Variants in TVP23B observed in about 807,000 individuals in gnomAD.
TVP23B encodes the protein Golgi apparatus membrane protein TVP23 homolog B.
Under a neutral mutation model 30.6 loss-of-function variants are expected in TVP23B, and 10 were observed. The observed-to-expected ratio is 0.33, with a 90% CI of 0.20 to 0.55. The LOEUF (loss-of-function observed/expected upper bound fraction) is 0.55. Among genes scored for constraint, TVP23B ranks in the 20% least tolerant of loss-of-function variants. TVP23B has a pLI of 0.91. For synonymous variants in TVP23B, 67 were observed against 83.1 expected, an observed-to-expected ratio of 0.81 and a Z score of 1.06; for missense variants, 153 against 243.2, an observed-to-expected ratio of 0.63 and a Z score of 2.47.
At chr17:18,791,629 G>A (rs1433383293) in intron 3 of TVP23B, among the ~76,000 whole-genome samples, 1 of 151,692 alleles carries the variant, frequency 6.6e-6, no homozygotes, top group Non-Finnish European at 1.5e-5. Flanking sequence ...GGGCAGGTAT[G>A]CTGCTAAATA....
intron 1 of TVP23B, among the ~76,000 whole-genome samples, chr17:18,786,265 C>T (rs1003436520): frequency 6.6e-6 from 1 of 151,632 alleles, no homozygotes; most frequent in Non-Finnish European, 1.5e-5. Flanking sequence ...AGTAAATTTA[C>T]ATATTCACAG....
intron 1 of TVP23B, among the ~76,000 whole-genome samples, chr17:18,782,969 A>G (rs58503741): frequency 8.9e-4 from 135 of 150,922 alleles, no homozygotes; most frequent in African/African-American, 3.3e-3. Context: ...CATTTTACCC[A>G]GCTCCTATTG....
At chr17:18,794,640 ATAAAC>A (rs772478384) in intron 3 of TVP23B, among the ~76,000 whole-genome samples, 7 of 152,232 alleles carry the variant, frequency 4.6e-5, no homozygotes, top group African/African-American at 7.2e-5. Flanking sequence ...AATCAGGAAA[ATAAAC>A]TAATAAAGAT....
rs2036156319 is a variant in TVP23B at position 18,800,954 on chromosome 17, T to TA, written c.462+2013dup. On this transcript the variant is annotated intron_variant, in intron 5 of 6. Transcript: ENST00000307767. ...AGAGCTGTCTGGAGACACAGGGGGA[T>TA]AAGTTAGGGGACAGTAAACAAGTTG... 2.0e-5 allele frequency among the ~76,000 whole-genome samples: 3 copies of TA among 151,250 alleles called. No homozygotes were observed. In the South Asian group the frequency reaches 6.4e-4, roughly 32 times the overall value.
In TVP23B at chr17:18,805,742, C is replaced by T. The variant is rs2036241672; in HGVS notation, c.*175C>T. 2.1e-6 allele frequency: 3 copies of T among 1,436,682 alleles called. No individual in the cohort carries two copies. The highest frequency in any genetic ancestry group is 2.7e-6 in the Non-Finnish European group (3 of 1,096,594). 89.0% of individuals were successfully genotyped at this position (1,436,682 alleles called of 1,614,324 possible). A position where few individuals can be genotyped will look rare whatever the true frequency, so the allele number is the denominator to read the frequency against. On this transcript the variant is annotated 3_prime_UTR_variant, in exon 7 of 7. Coordinates refer to ENST00000307767, the MANE Select transcript of TVP23B (RefSeq NM_016078.6). ...TCATATTAAGTTTTTATTTCCTTTCCAGCAGTTGGGGCTAGAAAGTATGTG... is the reference window on the plus strand; with the variant it reads ...TCATATTAAGTTTTTATTTCCTTTCTAGCAGTTGGGGCTAGAAAGTATGTG...
intron 5 of TVP23B, among the ~76,000 whole-genome samples, chr17:18,802,977 A>G (rs1225028323): frequency 6.6e-6 from 1 of 152,198 alleles, no homozygotes; most frequent in African/African-American, 2.4e-5. Context: ...CATGAAACAT[A>G]AGTTTAGAAC....
chr17:18,805,470 T>C (rs2589695), intron 6 of TVP23B, 71 bp from the exon 7 acceptor site: 1 of 1,589,490 alleles, frequency 6.3e-7, no homozygotes, highest in East Asian at 2.2e-5. Flanking sequence ...CTAGGCCTAG[T>C]CCCCAAGTCC....
chr17:18,791,986 A>T (rs2036002112), intron 3 of TVP23B, among the ~76,000 whole-genome samples: 1 of 152,176 alleles, frequency 6.6e-6, no homozygotes, highest in South Asian at 2.1e-4. Flanking sequence ...GACTAGTAAG[A>T]TGTTACAACC....
At chr17:18,798,789 A>T (rs1475427228) in intron 4 of TVP23B, 23 bp from the exon 5 acceptor site, 1 of 1,585,856 alleles carries the variant, frequency 6.3e-7, no homozygotes, top group African/African-American at 1.4e-5. Context: ...CAACATGATA[A>T]TTGAATTTAT....
chr17:18,798,673 T>C, intron 4 of TVP23B, 139 bp from the exon 5 acceptor site: 1 of 1,173,654 alleles, frequency 8.5e-7, no homozygotes, highest in South Asian at 1.6e-5. Flanking sequence ...GATAGTCATG[T>C]ATTTTTGGGT....
At chr17:18,786,557 A>G (rs1356173752) in intron 1 of TVP23B, among the ~76,000 whole-genome samples, 2 of 152,216 alleles carry the variant, frequency 1.3e-5, no homozygotes, top group African/African-American at 4.8e-5. Flanking sequence ...ATAACATCAT[A>G]CGGTGGATCT....
At chr17:18,782,099 A>G (rs1200823484) in intron 1 of TVP23B, 1 of 152,194 alleles carries the variant, frequency 6.6e-6, no homozygotes, top group East Asian at 1.9e-4. Context: ...GGATAGGACA[A>G]CTAAGATTTA....
intron 1 of TVP23B, among the ~76,000 whole-genome samples, chr17:18,785,629 T>C (rs1447532016): frequency 1.3e-5 from 2 of 152,124 alleles, no homozygotes; most frequent in East Asian, 3.9e-4. Flanking sequence ...ATCGTAGCAC[T>C]TTGGGAGGCT....
chr17:18,787,056 C>T (rs1194478671), intron 1 of TVP23B, among the ~76,000 whole-genome samples: 1 of 149,632 alleles, frequency 6.7e-6, no homozygotes, highest in African/African-American at 2.5e-5. Context: ...AATACTGTAC[C>T]ACTTGGCTGA....
intron 5 of TVP23B, 25 bp from the exon 6 acceptor site, chr17:18,804,113 T>C (rs777891752): frequency 6.2e-6 from 10 of 1,612,518 alleles, no homozygotes; most frequent in African/African-American, 2.7e-5. Flanking sequence ...CCAGTAACCA[T>C]TGATTATTTT....
chr17:18,805,703 A>C lies in TVP23B; in HGVS notation c.*136A>C. The C allele has an allele frequency of 6.8e-7, 1 of 1,474,518 alleles. No individual in the cohort carries two copies. The highest frequency in any genetic ancestry group is 9.0e-7 in the Non-Finnish European group (1 of 1,112,572). 91.3% of individuals were successfully genotyped at this position (1,474,518 alleles called of 1,614,324 possible). On this transcript the variant is annotated 3_prime_UTR_variant, in exon 7 of 7. Transcript: ENST00000307767. Reference sequence around the variant, plus strand: ...CCACTTAAAAACTTTATTTATAAAAAGGAAAAGTAGTTTTCATATTAAGTT... The same window carrying C: ...CCACTTAAAAACTTTATTTATAAAACGGAAAAGTAGTTTTCATATTAAGTT...
rs956250348 is a variant in TVP23B, at chr17:18,785,974, C to G, written c.13-3379C>G. 1.2e-4 allele frequency among the ~76,000 whole-genome samples: 19 copies of G among 152,188 alleles called. No individual in the cohort carries two copies. The East Asian group carries it at 1.4e-3, about 11-fold the overall frequency. On this transcript the variant is annotated intron_variant, in intron 1 of 6. Coordinates refer to ENST00000307767, the MANE Select transcript of TVP23B (RefSeq NM_016078.6). ...GAATGAGGCTCAAGGGGTTAAACAT[C>G]AAGGTGTGGGTAGGGGTTCTGGAGA...
At chr17:18,788,221 C>T (rs561488042) in intron 1 of TVP23B, among the ~76,000 whole-genome samples, 20 of 147,950 alleles carry the variant, frequency 1.4e-4, no homozygotes, top group African/African-American at 4.8e-4. Context: ...GTCCCAGCTA[C>T]TTGGGAAGGT....
chr17:18,791,187 G>GTTTTTTTT (rs762889436), intron 3 of TVP23B, 147 bp downstream of exon 3: 1,664 of 112,428 alleles, frequency 0.015, 4 homozygotes, highest in African/African-American at 0.026. Context: ...ATTGCATGTA[G>GTTTTTTTT]TTTTTTTTTT....
Sources: gnomAD v4.1 joint callset for allele counts (sites outside exome capture counted in the v4.1 genomes callset) on GRCh38, gnomAD v4.1.1 for gene constraint, MANE v1.5 for transcripts, NCBI Gene and HGNC (gene_info 2026-07-23, HGNC 2026-07-21) for gene names.